The following PGS1 variants were observed in gnomAD, a reference collection of about 807,000 sequenced individuals.
PGS1 encodes the protein CDP-diacylglycerol--glycerol-3-phosphate 3-phosphatidyltransferase, mitochondrial.
In PGS1, 44 loss-of-function variants were observed where a neutral mutation model predicts 58.3. The observed-to-expected ratio is 0.75, with a 90% CI of 0.59 to 0.97. PGS1 has a LOEUF of 0.97. Among genes scored for constraint, PGS1 ranks in the 50% least tolerant of loss-of-function variants. PGS1 has a pLI of 0.00. For synonymous variants in PGS1, 330 were observed against 311.0 expected (o/e 1.06, Z -0.64); for missense variants, 684 against 731.1 (o/e 0.94, Z 0.74).
At chr17:78,379,830 A>C (rs1225122667) in intron 1 of PGS1, among the ~76,000 whole-genome samples, 3 of 146,116 alleles carry the variant, frequency 2.1e-5, no homozygotes, top group Non-Finnish European at 4.5e-5. Flanking sequence ...ACTCTGTTTC[A>C]AAAAAAAAAA....
At position 78,424,297 on chromosome 17, in the gene PGS1, G is replaced by GAAGC; in HGVS notation, c.*249_*252dup. On this transcript the variant is annotated 3_prime_UTR_variant, in exon 10 of 10. Coordinates refer to ENST00000262764, the MANE Select transcript of PGS1 (RefSeq NM_024419.5). ...GGCTTCAGGCCAGCTGCCACGGCTG[G>GAAGC]AAGCAGAGGCCTTCGTAGGTGATGG... 9.7e-7 allele frequency: 1 copy of GAAGC among 1,030,446 alleles called. No individual in the cohort carries two copies. Among genetic ancestry groups the GAAGC allele is most frequent in the Non-Finnish European group, 1.4e-6 (1 of 730,956 alleles). The allele number at this position is 1,030,446 out of a possible 1,614,324, so 63.8% of individuals were successfully genotyped here. A position where few individuals can be genotyped will look rare whatever the true frequency, so the allele number is the denominator to read the frequency against.
chr17:78,391,050 C>T (rs1330343932), intron 1 of PGS1, among the ~76,000 whole-genome samples: 1 of 152,108 alleles, frequency 6.6e-6, no homozygotes, highest in Non-Finnish European at 1.5e-5. Flanking sequence ...AAGCGATTCT[C>T]CTGCCTCAGG....
intron 7 of PGS1, among the ~76,000 whole-genome samples, chr17:78,414,575 T>A (rs924778274): frequency 6.6e-6 from 1 of 152,104 alleles, no homozygotes; most frequent in African/African-American, 2.4e-5. Flanking sequence ...GGCGTCACCA[T>A]GTTCCCTCTG....
At chr17:78,387,598 C>CTTT (rs34252361) in intron 1 of PGS1, among the ~76,000 whole-genome samples, 13 of 104,240 alleles carry the variant, frequency 1.2e-4, no homozygotes, top group South Asian at 1.0e-3. Flanking sequence ...CGCGCCCAGC[C>CTTT]TTTTTTTTTT....
chr17:78,402,446 A>G (rs768070356), intron 6 of PGS1, among the ~76,000 whole-genome samples: 2 of 151,370 alleles, frequency 1.3e-5, no homozygotes, highest in Non-Finnish European at 2.9e-5. Context: ...ACACACACAT[A>G]TGTATGTATA....
At chr17:78,423,105 G>GAGA (rs1555645857) in intron 9 of PGS1, among the ~76,000 whole-genome samples, 1 of 137,506 alleles carries the variant, frequency 7.3e-6, no homozygotes, top group Non-Finnish European at 1.6e-5. Context: ...ACTCTCCCTC[G>GAGA]AAAAAAAAAA....
At chr17:78,419,240 A>T (rs1044629760) in intron 8 of PGS1, among the ~76,000 whole-genome samples, 3 of 152,148 alleles carry the variant, frequency 2.0e-5, no homozygotes, top group Non-Finnish European at 4.4e-5. Context: ...CAGACTCCTG[A>T]GCTCAAGCGA....
chr17:78,401,038 G>A (rs1044319463), intron 6 of PGS1, among the ~76,000 whole-genome samples, 183 bp downstream of exon 6: 1 of 152,154 alleles, frequency 6.6e-6, no homozygotes, highest in Non-Finnish European at 1.5e-5. Context: ...CTCTGTGGGT[G>A]AGAGAGCCAG....
At chr17:78,394,558 T>C (rs1020980203) in intron 2 of PGS1, among the ~76,000 whole-genome samples, 8 of 152,016 alleles carry the variant, frequency 5.3e-5, no homozygotes, top group African/African-American at 1.9e-4. Context: ...TTTTCTTTTC[T>C]TTTCTTTTTT....
At chr17:78,401,997 C>T (rs904424544) in intron 6 of PGS1, among the ~76,000 whole-genome samples, 4 of 152,124 alleles carry the variant, frequency 2.6e-5, no homozygotes, top group South Asian at 2.1e-4. Flanking sequence ...CGGGGAGACT[C>T]GAGCCCAGCT....
chr17:78,380,712 T>A (rs191152378), intron 1 of PGS1, among the ~76,000 whole-genome samples: 7 of 152,378 alleles, frequency 4.6e-5, no homozygotes, highest in Admixed American at 3.9e-4. Flanking sequence ...TCCCTCTATA[T>A]GTTTAAACTA....
chr17:78,417,296 CAA>C (rs1467171122), intron 8 of PGS1, among the ~76,000 whole-genome samples: 4 of 152,204 alleles, frequency 2.6e-5, no homozygotes, highest in African/African-American at 9.6e-5. Flanking sequence ...GAGACTCCTG[CAA>C]ACCAGCCCCC....
intron 7 of PGS1, among the ~76,000 whole-genome samples, chr17:78,412,225 C>T (rs1461878577): frequency 6.6e-6 from 1 of 152,070 alleles, no homozygotes; most frequent in Non-Finnish European, 1.5e-5. Context: ...CTACTTAGGG[C>T]TCCCCAGAGG....
intron 7 of PGS1, among the ~76,000 whole-genome samples, chr17:78,412,903 G>A (rs143296762): frequency 0.013 from 1,942 of 151,992 alleles, 14 homozygotes; most frequent in South Asian, 0.052. Context: ...GCTGGCGGAC[G>A]CCTGCCTTGC....
At chr17:78,395,057 G>A (rs571474914) in intron 2 of PGS1, among the ~76,000 whole-genome samples, 9 of 152,250 alleles carry the variant, frequency 5.9e-5, no homozygotes, top group South Asian at 2.1e-4. Flanking sequence ...TGCCATCTGG[G>A]CTGAAGTGTG....
chr17:78,413,171 AG>A (rs1335159134), intron 7 of PGS1, among the ~76,000 whole-genome samples: 23 of 152,268 alleles, frequency 1.5e-4, no homozygotes, highest in Non-Finnish European at 1.5e-5. Flanking sequence ...TGGCCCTTGG[AG>A]GGGTGGAGAC....
chr17:78,422,027 G>GAGAT (rs1360584082), intron 9 of PGS1: 2 of 152,226 alleles, frequency 1.3e-5, no homozygotes, highest in African/African-American at 2.4e-5. Context: ...GGAAAGTTTA[G>GAGAT]AGATAATTTT....
chr17:78,402,881 A>C (rs2083803320), intron 6 of PGS1, among the ~76,000 whole-genome samples: 2 of 152,112 alleles, frequency 1.3e-5, no homozygotes, highest in African/African-American at 4.8e-5. Flanking sequence ...TGATAATAGC[A>C]TCTTTCCCTT....
chr17:78,417,891 A>G (rs2085336680), intron 8 of PGS1, among the ~76,000 whole-genome samples: 3 of 151,462 alleles, frequency 2.0e-5, no homozygotes. Context: ...AAGCTTTTCA[A>G]AGATCCCAAA....
Sources: allele counts gnomAD v4.1 joint callset (sites outside exome capture counted in the v4.1 genomes callset), GRCh38; gene constraint gnomAD v4.1.1; transcripts MANE v1.5; gene names NCBI Gene and HGNC (gene_info 2026-07-23, HGNC 2026-07-21).